SSR1: variants seen among roughly 807,000 people sequenced by gnomAD.
SSR1 encodes the protein signal sequence receptor subunit 1.
A neutral mutation model predicts 36.1 loss-of-function variants in SSR1; 13 were observed. The ratio of observed to expected loss-of-function variants is 0.36; its 90% CI spans 0.23 to 0.57. The LOEUF (loss-of-function observed/expected upper bound fraction) is 0.57, where lower values mean the gene tolerates loss of function less well. Ranked by LOEUF, SSR1 falls within the 20% of genes least tolerant of loss-of-function variation. The probability of loss-of-function intolerance (pLI) is 0.81; values close to 1 mark genes in which losing one functional copy is unlikely to be tolerated. For missense variants in SSR1, 291 were observed against 338.5 expected (o/e 0.86, Z 1.10); for synonymous variants, 113 against 118.9 (o/e 0.95, Z 0.32).
intron 1 of SSR1, 50 bp downstream of exon 1, chr6:7,312,992 A>C: frequency 6.5e-7 from 1 of 1,535,536 alleles, no homozygotes. Context: ...ACTTGCCATC[A>C]CTGGCATCTC....
In SSR1 at chr6:7,284,449, C is replaced by T. The variant is rs1757502125; in HGVS notation, c.*5415G>A. 1.3e-5 allele frequency: 2 copies of T among 152,174 alleles called. No homozygotes were observed. The highest frequency in any genetic ancestry group is 1.3e-4 in the Admixed American group (2 of 15,278). 9.4% of individuals were successfully genotyped at this position (152,174 alleles called of 1,614,324 possible). A position where few individuals can be genotyped will look rare whatever the true frequency, so the allele number is the denominator to read the frequency against. Reference sequence around the variant, plus strand: ...ACATATTCAGAATTTACCTACTACCCCACCACATCAAAGTCCATAAGGTAC... The same window carrying T: ...ACATATTCAGAATTTACCTACTACCTCACCACATCAAAGTCCATAAGGTAC... On this transcript the variant is annotated 3_prime_UTR_variant, in exon 8 of 8. Transcript: ENST00000244763.
At chr6:7,295,009 C>T in intron 7 of SSR1, 14 of 1,321,538 alleles carry the variant, frequency 1.1e-5, no homozygotes, top group Non-Finnish European at 1.3e-5. Context: ...ACTCATTAAA[C>T]TTGACGTAAA....
chr6:7,293,651 C>T (rs1046588946), intron 7 of SSR1, among the ~76,000 whole-genome samples: 3 of 152,112 alleles, frequency 2.0e-5, no homozygotes, highest in Admixed American at 6.6e-5. Flanking sequence ...TGGGCTCAGG[C>T]GATCCTCCTG....
chr6:7,293,112 CG>C (rs1561829878), intron 7 of SSR1, among the ~76,000 whole-genome samples: 1 of 151,906 alleles, frequency 6.6e-6, no homozygotes, highest in Non-Finnish European at 1.5e-5. Flanking sequence ...ACTGAGGAAC[CG>C]GTGGATACAA....
chr6:7,285,801 G>A lies in SSR1; in HGVS notation c.*4063C>T, dbSNP rs1757540368. The stretch of plus-strand genomic sequence containing the variant: ...ACTTCACTCTTACCTTTAACGTGAA[G>A]ATTTATCTTTCAATCCTTTAGAGCT... On this transcript the variant is annotated 3_prime_UTR_variant, in exon 8 of 8. Coordinates refer to ENST00000244763, the MANE Select transcript of SSR1 (RefSeq NM_003144.5). This position sits in a 1 kb window ranked among gnomAD's most constrained non-coding sequence, Gnocchi z 4.1. 6.6e-6 allele frequency: 1 copy of A among 152,196 alleles called. No individual in the cohort carries two copies. The highest frequency in any genetic ancestry group is 6.5e-5 in the Admixed American group (1 of 15,284). The allele number at this position is 152,196 out of a possible 1,614,324, so 9.4% of individuals were successfully genotyped here. A position where few individuals can be genotyped will look rare whatever the true frequency, so the allele number is the denominator to read the frequency against.
In SSR1 at chr6:7,282,694, C is replaced by CAAAA. The variant is rs1757453470; in HGVS notation, c.*7166_*7169dup. On this transcript the variant is annotated 3_prime_UTR_variant, in exon 8 of 8. Coordinates refer to ENST00000244763, the MANE Select transcript of SSR1 (RefSeq NM_003144.5). ...GTGGACTTCAAGTAAGGAGTCAAGA[C>CAAAA]AAAACACTTAGAGTGACCTTTTGGC... The CAAAA allele has an allele frequency of 6.6e-6, 1 of 152,278 alleles. No individual in the cohort carries two copies. Among genetic ancestry groups the CAAAA allele is most frequent in the African/African-American group, 2.4e-5 (1 of 41,462 alleles). 9.4% of individuals were successfully genotyped at this position (152,278 alleles called of 1,614,324 possible).
chr6:7,301,897 T>C (rs1216380072), intron 3 of SSR1, among the ~76,000 whole-genome samples: 12 of 152,212 alleles, frequency 7.9e-5, no homozygotes, highest in Admixed American at 2.6e-4. Context: ...GTTACGTGTG[T>C]TGGTGAAGTC....
chr6:7,312,852 C>T (rs1283952288), intron 1 of SSR1, among the ~76,000 whole-genome samples, 190 bp downstream of exon 1: 4 of 152,208 alleles, frequency 2.6e-5, no homozygotes, highest in African/African-American at 9.6e-5. Context: ...AGGGGCAGGC[C>T]GCAGCGGGGT....
At chr6:7,297,875 T>C (rs762615488) in intron 6 of SSR1, 48 bp downstream of exon 6, 1 of 1,496,644 alleles carries the variant, frequency 6.7e-7, no homozygotes, top group South Asian at 1.1e-5. Flanking sequence ...AACTTAGTAC[T>C]TAACAACTTT....
intron 2 of SSR1, among the ~76,000 whole-genome samples, chr6:7,303,918 T>C (rs112124796): frequency 6.6e-6 from 1 of 151,950 alleles, no homozygotes; most frequent in African/African-American, 2.4e-5. Context: ...ATCCGGGAGG[T>C]AGAGGTTGTA....
At chr6:7,309,298 A>C (rs1430046968) in intron 2 of SSR1, among the ~76,000 whole-genome samples, 1 of 152,170 alleles carries the variant, frequency 6.6e-6, no homozygotes, top group Non-Finnish European at 1.5e-5. Flanking sequence ...TCTCTACAAA[A>C]AAAAATTACA....
chr6:7,301,503 A>G lies in SSR1; in HGVS notation c.350T>C (p.Val117Ala). The part of the protein sequence containing the change: ...FTNKGTEDFI[V>A]ESLDASFRYP... ...ACGGAATGAGGCATCTAAGGATTCA[A>G]CAATAAAATCTTCTGTACCCTTGTT... Residue 117 changes from valine to alanine, a missense_variant, in exon 4 of 8, where the codon GTT (valine) becomes GCT (alanine). By Grantham distance (64) the Val-to-Ala change is moderately conservative. Coordinates refer to ENST00000244763, the MANE Select transcript of SSR1 (RefSeq NM_003144.5). 6.2e-7 allele frequency: 1 copy of G among 1,614,174 alleles called. No homozygotes were observed. Among genetic ancestry groups the G allele is most frequent in the Non-Finnish European group, 8.5e-7 (1 of 1,180,014 alleles).
intron 4 of SSR1, among the ~76,000 whole-genome samples, chr6:7,300,631 ATTAT>A (rs1757912050): frequency 6.6e-6 from 1 of 152,114 alleles, no homozygotes; most frequent in African/African-American, 2.4e-5. Flanking sequence ...TACAAAACAA[ATTAT>A]TTGACAGATC....
At chr6:7,291,972 C>G (rs9505124) in intron 7 of SSR1, among the ~76,000 whole-genome samples, 42,213 of 151,848 alleles carry the variant, frequency 0.28, 5,940 homozygotes, top group East Asian at 0.42. Context: ...ATTTGGGAGG[C>G]TGAGGTGGGC....
chr6:7,308,853 G>A (rs1216374652), intron 2 of SSR1, among the ~76,000 whole-genome samples: 1 of 152,214 alleles, frequency 6.6e-6, no homozygotes, highest in East Asian at 1.9e-4. Flanking sequence ...CAAGCAAAAA[G>A]AATAAAAACA....
At chr6:7,294,881 T>C (rs1411766073) in intron 7 of SSR1, among the ~76,000 whole-genome samples, 1 of 152,192 alleles carries the variant, frequency 6.6e-6, no homozygotes, top group Non-Finnish European at 1.5e-5. Flanking sequence ...TAACTGAATA[T>C]GTAATAAAAC....
rs1410909675 is a variant in SSR1 at position 7,309,913 on chromosome 6, T to C, written c.192+4A>G. 6.2e-7 allele frequency: 1 copy of C among 1,603,826 alleles called. No individual in the cohort carries two copies. The highest frequency in any genetic ancestry group is 8.5e-7 in the Non-Finnish European group (1 of 1,170,784). ...ACATATATTAAATAGTATGTAACAC[T>C]AACCAAATCTGTGGGTTCATCTTCT... On this transcript the variant is annotated splice_donor_region_variant and intron_variant, in intron 2 of 7. Coordinates refer to ENST00000244763, the MANE Select transcript of SSR1 (RefSeq NM_003144.5).
intron 3 of SSR1, 147 bp downstream of exon 3, chr6:7,303,403 T>C: frequency 2.1e-6 from 1 of 468,052 alleles, no homozygotes; most frequent in South Asian, 4.8e-5. Context: ...TCCCCTTGGT[T>C]TATTTTTTAT....
intron 4 of SSR1, 120 bp downstream of exon 4, chr6:7,301,190 T>A: frequency 8.2e-7 from 1 of 1,218,882 alleles, no homozygotes; most frequent in South Asian, 1.5e-5. Context: ...GCTTCCCTGG[T>A]GGCTATCACA....
Sources: allele counts gnomAD v4.1 joint callset (sites outside exome capture counted in the v4.1 genomes callset), GRCh38; gene constraint gnomAD v4.1.1; non-coding constraint Gnocchi (gnomAD v3.1); transcripts MANE v1.5; gene names NCBI Gene and HGNC (gene_info 2026-07-23, HGNC 2026-07-21).